SLC25A1: variants seen among roughly 807,000 people sequenced by gnomAD.
The protein encoded by SLC25A1 is solute carrier family 25 member 1, also known as tricarboxylate transport protein, mitochondrial.
In SLC25A1, 26 loss-of-function variants were observed where a neutral mutation model predicts 38.1. The observed-to-expected ratio is 0.68, with a 90% CI of 0.50 to 0.95. The LOEUF is 0.95. SLC25A1 is among the 40% of genes least tolerant of loss of function. SLC25A1 has a pLI of 0.00. For missense variants in SLC25A1, 378 were observed against 426.6 expected (o/e 0.89, Z 1.00); for synonymous variants, 211 against 183.2 (o/e 1.15, Z -1.23).
In SLC25A1 at chr22:19,176,932, T is replaced by C. The variant is rs552743438; in HGVS notation, c.545A>G (p.Gln182Arg). ...VREQGLKGTY[Q>R]GLTATVLKQG... The stretch of plus-strand genomic sequence containing the variant: ...CTTCAGGACAGTGGCTGTGAGGCCC[T>C]GGTACGTCCCCTTCAGCCCTGCGGG... Residue 182 changes from glutamine (Q) to arginine (R), a missense_variant, in exon 6 of 9, where the codon CAG (glutamine) becomes CGG (arginine). By Grantham distance (43) the Gln-to-Arg change is conservative. Transcript: ENST00000215882. The C allele has an allele frequency of 1.2e-6, 2 of 1,613,570 alleles. No individual in the cohort carries two copies. Among genetic ancestry groups the C allele is most frequent in the South Asian group, 2.2e-5 (2 of 91,090 alleles).
chr22:19,177,710 G>A lies in SLC25A1; in HGVS notation c.441+17C>T, dbSNP rs782433485. 2.5e-6 allele frequency: 4 copies of A among 1,604,890 alleles called. No homozygotes were observed. The highest frequency in any genetic ancestry group is 1.7e-5 in the Admixed American group (1 of 59,962). The stretch of plus-strand genomic sequence containing the variant: ...TACTCCCTGCGTGTCCGGGGTCCTC[G>A]CCAGGACCTTCCCCACCTTGATGGT... On this transcript the variant is annotated intron_variant, in intron 4 of 8. Transcript: ENST00000215882.
rs1169661680 is a variant in SLC25A1, at chr22:19,176,793, AGAG to A, written c.631+50_631+52del. ...CCGCCACCCAGGGGTGGCCCCAAGG[AGAG>A]GAGAGGAGCTGGCCATGTGCAGAGA... On this transcript the variant is annotated intron_variant, in intron 6 of 8. Coordinates refer to ENST00000215882, the MANE Select transcript of SLC25A1 (RefSeq NM_005984.5). 7 of 1,600,530 alleles carry A rather than the reference AGAG, an allele frequency of 4.4e-6. No homozygotes were observed. In the African/African-American group the frequency reaches 6.7e-5, roughly 15 times the overall value.
chr22:19,176,730 C>G (rs375374950), intron 6 of SLC25A1, 37 bp from the exon 7 acceptor site: 2 of 1,598,684 alleles, frequency 1.3e-6, no homozygotes, highest in Non-Finnish European at 1.7e-6. Flanking sequence ...CAGAGGGTGC[C>G]GGGAGGGGCC....
intron 6 of SLC25A1, 39 bp from the exon 7 acceptor site, chr22:19,176,732 G>A (rs1555922453): frequency 1.9e-6 from 3 of 1,596,230 alleles, no homozygotes; most frequent in African/African-American, 1.3e-5. Flanking sequence ...GAGGGTGCCG[G>A]GAGGGGCCTG....
chr22:19,176,740 C>T (rs2083967129), intron 6 of SLC25A1, 47 bp from the exon 7 acceptor site: 1 of 1,594,892 alleles, frequency 6.3e-7, no homozygotes, highest in Non-Finnish European at 8.6e-7. Flanking sequence ...CGGGAGGGGC[C>T]TGGATCAGCA....
In SLC25A1 at chr22:19,176,030, G is replaced by T; in HGVS notation, c.*100C>A. The T allele has an allele frequency of 1.1e-6, 1 of 928,038 alleles. No individual in the cohort carries two copies. Among genetic ancestry groups the T allele is most frequent in the Admixed American group, 1.8e-5 (1 of 56,670 alleles). The allele number at this position is 928,038 out of a possible 1,614,324, so 57.5% of individuals were successfully genotyped here. The stretch of plus-strand genomic sequence containing the variant: ...CCAGGCTACAGAGCTCGAGGGACGT[G>T]GGAAGGGGCCTTTTGGCACTACTGC... On this transcript the variant is annotated 3_prime_UTR_variant, in exon 9 of 9. Coordinates refer to ENST00000215882, the MANE Select transcript of SLC25A1 (RefSeq NM_005984.5).
chr22:19,176,000 A>C lies in SLC25A1; in HGVS notation c.*130T>G, dbSNP rs956916645. Reference sequence around the variant, plus strand: ...CACATGGATTTGACAGCCACAATGCACAGACCAGGCTACAGAGCTCGAGGG... The same window carrying C: ...CACATGGATTTGACAGCCACAATGCCCAGACCAGGCTACAGAGCTCGAGGG... On this transcript the variant is annotated 3_prime_UTR_variant, in exon 9 of 9. Coordinates refer to ENST00000215882, the MANE Select transcript of SLC25A1 (RefSeq NM_005984.5). The C allele has an allele frequency of 3.2e-6, 2 of 626,062 alleles. No homozygotes were observed. The highest frequency in any genetic ancestry group is 2.4e-5 in the African/African-American group (1 of 42,414). The allele number at this position is 626,062 out of a possible 1,614,324, so 38.8% of individuals were successfully genotyped here. A position where few individuals can be genotyped will look rare whatever the true frequency, so the allele number is the denominator to read the frequency against.
chr22:19,177,876 G>C lies in SLC25A1; in HGVS notation c.303-11C>G. 1 of 1,596,522 alleles carries C rather than the reference G, an allele frequency of 6.3e-7. No homozygotes were observed. The highest frequency in any genetic ancestry group is 2.3e-5 in the East Asian group (1 of 44,224). On this transcript the variant is annotated splice_polypyrimidine_tract_variant and intron_variant, in intron 3 of 8. Transcript: ENST00000215882. Reference sequence around the variant, plus strand: ...TCGAACATTCCAAACCTGGAGGCGGGAGGCGGGTGAGAGGGGCTGCCGCGG... The same window carrying C: ...TCGAACATTCCAAACCTGGAGGCGGCAGGCGGGTGAGAGGGGCTGCCGCGG...
chr22:19,178,253 G>T lies in SLC25A1; in HGVS notation c.95-13C>A, dbSNP rs782281296. On this transcript the variant is annotated splice_polypyrimidine_tract_variant and intron_variant, in intron 1 of 8. Transcript: ENST00000215882. The surrounding 1 kb of genome is among the most constrained non-coding windows in gnomAD (Gnocchi z 4.9). Reference sequence around the variant, plus strand: ...CCCGCCAGGCCGCCTGCAGGGACCGGGAACCCGCTCCTGAGACTCCCGCCC... The same window carrying T: ...CCCGCCAGGCCGCCTGCAGGGACCGTGAACCCGCTCCTGAGACTCCCGCCC... 2 of 1,544,714 alleles carry T rather than the reference G, an allele frequency of 1.3e-6. No individual in the cohort carries two copies. Among genetic ancestry groups the T allele is most frequent in the South Asian group, 2.4e-5 (2 of 83,464 alleles).
rs145745639 is a variant in SLC25A1, at chr22:19,175,908, C to T, written c.*222G>A. The T allele has an allele frequency of 4.4e-4, 60 of 136,568 alleles. No individual in the cohort carries two copies. The East Asian group carries it at 0.011, about 25-fold the overall frequency. The allele number at this position is 136,568 out of a possible 1,614,324, so 8.5% of individuals were successfully genotyped here. On this transcript the variant is annotated 3_prime_UTR_variant, in exon 9 of 9. Coordinates refer to ENST00000215882, the MANE Select transcript of SLC25A1 (RefSeq NM_005984.5). ...GGCACAGGGTCATAGGCCAGATGCA[C>T]ATCCAGCCATGGCTGGGCCAGACAC...
In SLC25A1 at chr22:19,175,667, A is replaced by C; in HGVS notation, c.*463T>G. On this transcript the variant is annotated 3_prime_UTR_variant, in exon 9 of 9. Transcript: ENST00000215882. ...CTGTCCGGGGCGGAGAGAGGGCCCG[A>C]GGGCCAGTTAAGGCCAATGGCGGGA... 4.6e-6 allele frequency: 1 copy of C among 216,478 alleles called. No homozygotes were observed. The highest frequency in any genetic ancestry group is 9.3e-6 in the Non-Finnish European group (1 of 107,142). The allele number at this position is 216,478 out of a possible 1,614,324, so 13.4% of individuals were successfully genotyped here.
rs781896870 is a variant in SLC25A1, at chr22:19,176,432, C to G, written c.810G>C (p.Glu270Asp). Residue 270 changes from glutamate (E) to aspartate (D), a missense_variant, in exon 8 of 9, where the codon GAG becomes GAC. Glu to Asp is a conservative substitution (Grantham distance 45). Transcript: ENST00000215882. ...CCTCCCCCACTCACGCCTTGAGCCC[C>G]TCCTTCTTCAGGATCTGCAAGCCGC... is the stretch of plus-strand genomic sequence containing the variant. ...WDCGLQILKK[E>D]GLKAFYKGTV... 1 of 1,613,752 alleles carries G rather than the reference C, an allele frequency of 6.2e-7. No homozygotes were observed. The highest frequency in any genetic ancestry group is 8.5e-7 in the Non-Finnish European group (1 of 1,180,000).
chr22:19,176,601 C>T lies in SLC25A1; in HGVS notation c.724G>A (p.Asp242Asn), dbSNP rs1349616752. The change falls in exon 7 of 9, where the codon GAT (aspartate) becomes AAT (asparagine). Residue 242 changes from aspartate to asparagine, a missense_variant. Coordinates refer to ENST00000215882, the MANE Select transcript of SLC25A1 (RefSeq NM_005984.5). Reference sequence around the variant, plus strand: ...ACCTGCATCCGGGTCTTAATCACATCCAGAGGAGTGTTTCCAAAGACACTG... The same window carrying T: ...ACCTGCATCCGGGTCTTAATCACATTCAGAGGAGTGTTTCCAAAGACACTG... Reference protein sequence around the residue: ...AASVFGNTPLDVIKTRMQGLE... With the variant: ...AASVFGNTPLNVIKTRMQGLE... 2 of 1,613,660 alleles carry T rather than the reference C, an allele frequency of 1.2e-6. No individual in the cohort carries two copies. Among genetic ancestry groups the T allele is most frequent in the Non-Finnish European group, 8.5e-7 (1 of 1,179,844 alleles).
At chr22:19,177,235 C>A (rs1458135756) in intron 4 of SLC25A1, 31 bp from the exon 5 acceptor site, 1 of 1,592,042 alleles carries the variant, frequency 6.3e-7, no homozygotes, top group Non-Finnish European at 8.6e-7. Context: ...CGCAGGTTCT[C>A]GGCTGCCACC....
chr22:19,178,310 C>G lies in SLC25A1; in HGVS notation c.95-70G>C, dbSNP rs558632091. 3,881 of 1,530,038 alleles carry G rather than the reference C, an allele frequency of 2.5e-3. 22 individuals are homozygous for G. In the Middle Eastern group the frequency reaches 0.031, roughly 12 times the overall value. 94.8% of individuals were successfully genotyped at this position (1,530,038 alleles called of 1,614,324 possible). Reference sequence around the variant, plus strand: ...TGGCGCTCGGGCCCCTCCCCCGTCCCGGACTTCGGTCGGCGCGGCCGCCGC... The same window carrying G: ...TGGCGCTCGGGCCCCTCCCCCGTCCGGGACTTCGGTCGGCGCGGCCGCCGC... On this transcript the variant is annotated intron_variant, in intron 1 of 8. Transcript: ENST00000215882. This position sits in a 1 kb window ranked among gnomAD's most constrained non-coding sequence, Gnocchi z 4.9.
Position 19,178,318 on chromosome 22 carries a change from G to A in SLC25A1, c.95-78C>T, listed in dbSNP as rs1555923402. 1.3e-6 allele frequency: 2 copies of A among 1,525,054 alleles called. No homozygotes were observed. Among genetic ancestry groups the A allele is most frequent in the Non-Finnish European group, 1.8e-6 (2 of 1,136,698 alleles). 94.5% of individuals were successfully genotyped at this position (1,525,054 alleles called of 1,614,324 possible). A position where few individuals can be genotyped will look rare whatever the true frequency, so the allele number is the denominator to read the frequency against. On this transcript the variant is annotated intron_variant, in intron 1 of 8. Transcript: ENST00000215882. The surrounding 1 kb of genome is among the most constrained non-coding windows in gnomAD (Gnocchi z 4.9). The stretch of plus-strand genomic sequence containing the variant: ...GGGCCCCTCCCCCGTCCCGGACTTC[G>A]GTCGGCGCGGCCGCCGCGCCAGTGC...
chr22:19,176,570 C>G lies in SLC25A1; in HGVS notation c.747+8G>C, dbSNP rs782525048. 10 of 1,612,920 alleles carry G rather than the reference C, an allele frequency of 6.2e-6. No homozygotes were observed. In the East Asian group the frequency reaches 2.2e-4, roughly 36 times the overall value. ...CCCCCCTTCCCCTCCCCTTCCCGGC[C>G]CCACCACCTGCATCCGGGTCTTAAT... On this transcript the variant is annotated splice_region_variant and intron_variant, in intron 7 of 8. Coordinates refer to ENST00000215882, the MANE Select transcript of SLC25A1 (RefSeq NM_005984.5).
chr22:19,176,824 G>C (rs1180194751), intron 6 of SLC25A1, 22 bp downstream of exon 6: 1 of 1,611,612 alleles, frequency 6.2e-7, no homozygotes, highest in Non-Finnish European at 8.5e-7. Context: ...TGCAGAGATG[G>C]GGCCCTGTGA....
Position 19,177,835 on chromosome 22 carries a change from G to A in SLC25A1, c.333C>T (p.His111=). 1.9e-6 allele frequency: 3 copies of A among 1,610,466 alleles called. No individual in the cohort carries two copies. Among genetic ancestry groups the A allele is most frequent in the Non-Finnish European group, 2.5e-6 (3 of 1,178,926 alleles). ...RFGMFEFLSN[H]MRDAQGRLDS... Reference sequence around the variant, plus strand: ...CCAGCCGTCCCTGGGCATCCCGCATGTGGTTGCTGAGGAACTCGAACATTC... The same window carrying A: ...CCAGCCGTCCCTGGGCATCCCGCATATGGTTGCTGAGGAACTCGAACATTC... Residue 111 remains histidine, a synonymous_variant, in exon 4 of 9, where the codon CAC becomes CAT. Transcript: ENST00000215882.
Sources: allele counts gnomAD v4.1 joint callset, GRCh38; gene constraint gnomAD v4.1.1; non-coding constraint Gnocchi (gnomAD v3.1); transcripts MANE v1.5; gene names NCBI Gene and HGNC (gene_info 2026-07-23, HGNC 2026-07-21).